Variants in NLRC3 observed in about 807,000 individuals in gnomAD.
The protein encoded by NLRC3 is NLR family CARD domain-containing protein 3.
Under a neutral mutation model 91.6 loss-of-function variants are expected in NLRC3, and 87 were observed. The observed-to-expected ratio is 0.95, with a 90% CI of 0.80 to 1.14. The LOEUF is 1.14. Ranked by LOEUF, NLRC3 falls within the 50% of genes most tolerant of loss-of-function variation. NLRC3 has a pLI of 0.00. For synonymous variants in NLRC3, 694 were observed against 625.3 expected (o/e 1.11, Z -1.64); for missense variants, 1,577 against 1,418.6 (o/e 1.11, Z -1.79).
In NLRC3 at chr16:3,541,693, C is replaced by G; in HGVS notation, c.*132G>C. 5 of 655,524 alleles carry G rather than the reference C, an allele frequency of 7.6e-6. No homozygotes were observed. Among genetic ancestry groups the G allele is most frequent in the Admixed American group, 7.4e-5 (3 of 40,756 alleles). The allele number at this position is 655,524 out of a possible 1,614,324, so 40.6% of individuals were successfully genotyped here. On this transcript the variant is annotated 3_prime_UTR_variant, in exon 20 of 20. Transcript: ENST00000359128. Reference sequence around the variant, plus strand: ...TCCTCCGGCAGCACCTCTCCTTCCTCCCTGCAGAGCCCGGCTCTCGTGCTG... The same window carrying G: ...TCCTCCGGCAGCACCTCTCCTTCCTGCCTGCAGAGCCCGGCTCTCGTGCTG...
rs564602669 is a variant in NLRC3, at chr16:3,552,242, G to A, written c.2305C>T (p.Arg769Trp). Residue 769 changes from arginine (R) to tryptophan (W), a missense_variant, in exon 10 of 20, where the codon CGG (arginine) becomes TGG (tryptophan). By Grantham distance (101) the Arg-to-Trp change is moderately radical. Coordinates refer to ENST00000359128, the MANE Select transcript of NLRC3 (RefSeq NM_178844.4). ...KNSIGPMGAQ[R>W]MADALKQNRS... The stretch of plus-strand genomic sequence containing the variant: ...TTCTGCTTCAAGGCATCTGCCATCC[G>A]CTGGGCTCCCATGGGCCCGATGCTG... 1.7e-5 allele frequency: 27 copies of A among 1,613,386 alleles called. No homozygotes were observed. The highest frequency in any genetic ancestry group is 7.7e-5 in the South Asian group (7 of 91,070).
rs777967629 is a variant in NLRC3, at chr16:3,550,459, G to A, written c.2390C>T (p.Ala797Val). Residue 797 changes from alanine to valine, a missense_variant, in exon 11 of 20, where the codon GCC (alanine) becomes GTC (valine). Ala to Val is a moderately conservative substitution (Grantham distance 64, BLOSUM62 0). Coordinates refer to ENST00000359128, the MANE Select transcript of NLRC3 (RefSeq NM_178844.4). ...GTTCACCTTCAGGGCCTCAGCCAGG[G>A]CCTTGGCACCTCCATCACCAATACT... ...SNSIGDGGAK[A>V]LAEALKVNQG... 1 of 1,613,566 alleles carries A rather than the reference G, an allele frequency of 6.2e-7. No homozygotes were observed.
In NLRC3 at chr16:3,564,444, C is replaced by T. The variant is rs200877791; in HGVS notation, c.493G>A (p.Gly165Arg). ...VRHFVRLWAH[G>R]QVGKDFSLVL... ...AGCGAGAAGTCCTTGCCGACCTGCC[C>T]ATGGGCCCAGAGGCGGACGAAGTGC... The change falls in exon 5 of 20, where the codon GGG becomes AGG. Residue 165 changes from glycine to arginine, a missense_variant. Transcript: ENST00000359128. This position sits in a 1 kb window ranked among gnomAD's most constrained non-coding sequence, Gnocchi z 5.9. The T allele has an allele frequency of 3.4e-4, 553 of 1,612,834 alleles. 1 individual carries two copies. Among genetic ancestry groups the T allele is most frequent in the Non-Finnish European group, 4.5e-4 (535 of 1,179,888 alleles).
rs1341996481 is a variant in NLRC3, at chr16:3,540,891, A to G, written c.*934T>C. The G allele has an allele frequency of 6.6e-6, 1 of 152,084 alleles. No homozygotes were observed. The highest frequency in any genetic ancestry group is 2.4e-5 in the African/African-American group (1 of 41,388). The allele number at this position is 152,084 out of a possible 1,614,324, so 9.4% of individuals were successfully genotyped here. A position where few individuals can be genotyped will look rare whatever the true frequency, so the allele number is the denominator to read the frequency against. On this transcript the variant is annotated 3_prime_UTR_variant, in exon 20 of 20. Coordinates refer to ENST00000359128, the MANE Select transcript of NLRC3 (RefSeq NM_178844.4). Reference sequence around the variant, plus strand: ...AGACAACATGTGCCAGGCATCACCCATGTCTTTGATTTTGTAATAAATAAA... The same window carrying G: ...AGACAACATGTGCCAGGCATCACCCGTGTCTTTGATTTTGTAATAAATAAA...
At chr16:3,573,872 G>C (rs1416139379) in intron 1 of NLRC3, among the ~76,000 whole-genome samples, 1 of 152,098 alleles carries the variant, frequency 6.6e-6, no homozygotes, top group Non-Finnish European at 1.5e-5. Flanking sequence ...AGGCTGGAGT[G>C]CAGTGGTACG....
intron 12 of NLRC3, 108 bp from the exon 13 acceptor site, chr16:3,549,333 G>T: frequency 1.2e-6 from 1 of 815,192 alleles, no homozygotes; most frequent in Non-Finnish European, 2.0e-6. Context: ...GCAGGCGGGG[G>T]ACCTAGAGTT....
chr16:3,549,287 G>A (rs1254335482), intron 12 of NLRC3, 62 bp from the exon 13 acceptor site: 1 of 1,257,010 alleles, frequency 8.0e-7, no homozygotes, highest in Non-Finnish European at 1.1e-6. Context: ...GCAAAGCCAA[G>A]CCCAGGTGTT....
chr16:3,543,843 CCTTGA>C (rs1225203550), intron 16 of NLRC3: 2 of 369,428 alleles, frequency 5.4e-6, no homozygotes, highest in Non-Finnish European at 1.0e-5. Flanking sequence ...AACACACCTT[CCTTGA>C]CTTGTAAACA....
intron 1 of NLRC3, among the ~76,000 whole-genome samples, chr16:3,569,385 TA>T (rs2040006254): frequency 9.1e-6 from 1 of 110,256 alleles, no homozygotes; most frequent in East Asian, 2.4e-4. Context: ...TATATATATA[TA>T]TATATATATT....
chr16:3,572,986 T>C (rs1232567398), intron 1 of NLRC3, among the ~76,000 whole-genome samples: 1 of 127,282 alleles, frequency 7.9e-6, no homozygotes, highest in Non-Finnish European at 1.6e-5. Flanking sequence ...CACTCTAGCC[T>C]GGGCGATAGA....
At chr16:3,557,209 C>A (rs1036125830) in intron 7 of NLRC3, among the ~76,000 whole-genome samples, 3 of 152,152 alleles carry the variant, frequency 2.0e-5, no homozygotes, top group Admixed American at 2.0e-4. Flanking sequence ...GAAAGCAGCA[C>A]CTGATGGACT....
intron 1 of NLRC3, among the ~76,000 whole-genome samples, chr16:3,575,374 C>T (rs1480152621): frequency 1.3e-5 from 2 of 152,216 alleles, no homozygotes; most frequent in South Asian, 2.1e-4. Flanking sequence ...CGCGAGGCCG[C>T]AGACGCCACT....
rs1182840204 is a variant in NLRC3 at position 3,564,386 on chromosome 16, G to A, written c.551C>T (p.Thr184Ile). ...TCGGTCGGCACACAGCTTCTCGTGG[G>A]TGTTGAGATCCCGGAAGGTCAGAGG... ...VLPLTFRDLNTHEKLCADRLI... is the reference protein window; with the variant it reads ...VLPLTFRDLNIHEKLCADRLI... The change falls in exon 5 of 20, where the codon ACC (threonine) becomes ATC (isoleucine). Residue 184 changes from threonine (T) to isoleucine (I), a missense_variant. Physicochemically the swap from Thr to Ile is moderately conservative, Grantham distance 89 (BLOSUM62 -1). Transcript: ENST00000359128. The surrounding 1 kb of genome is among the most constrained non-coding windows in gnomAD (Gnocchi z 5.9). The A allele has an allele frequency of 6.2e-7, 1 of 1,612,590 alleles. No homozygotes were observed. Among genetic ancestry groups the A allele is most frequent in the Admixed American group, 1.7e-5 (1 of 60,036 alleles).
intron 8 of NLRC3, among the ~76,000 whole-genome samples, chr16:3,555,601 G>A (rs1051569662): frequency 1.3e-5 from 2 of 151,908 alleles, no homozygotes; most frequent in Non-Finnish European, 2.9e-5. Flanking sequence ...ACAGAGTCTC[G>A]CTCTGTCGCC....
chr16:3,557,725 A>C, intron 6 of NLRC3, 49 bp from the exon 7 acceptor site: 177 of 1,171,856 alleles, frequency 1.5e-4, no homozygotes, highest in Non-Finnish European at 2.0e-4. Flanking sequence ...TGCACATCTC[A>C]TGGCCTCTTC....
At position 3,564,980 on chromosome 16, in the gene NLRC3, GCCCGTA is replaced by G. The variant is rs1004980408; in HGVS notation, c.51_56del (p.Thr18_Gly19del). 1.2e-6 allele frequency: 2 copies of G among 1,610,540 alleles called. No homozygotes were observed. Among genetic ancestry groups the G allele is most frequent in the Non-Finnish European group, 1.7e-6 (2 of 1,179,744 alleles). ...GGGCTTTCACCTGCTCGGCTGGGGAGCCCGTACCGTGGCCCTGGCCGGCCTCCCTGC... is the reference window on the plus strand; with the variant it reads ...GGGCTTTCACCTGCTCGGCTGGGGAGCCGTGGCCCTGGCCGGCCTCCCTGC... On this transcript the variant is annotated inframe_deletion, in exon 4 of 20. Coordinates refer to ENST00000359128, the MANE Select transcript of NLRC3 (RefSeq NM_178844.4). This position sits in a 1 kb window ranked among gnomAD's most constrained non-coding sequence, Gnocchi z 5.9.
intron 6 of NLRC3, among the ~76,000 whole-genome samples, chr16:3,561,011 G>A (rs991307209): frequency 1.4e-4 from 21 of 151,640 alleles, no homozygotes; most frequent in African/African-American, 5.1e-4. Context: ...AATTAAATTT[G>A]AAATTAAATT....
In NLRC3 at chr16:3,548,189, G is replaced by T; in HGVS notation, c.2717C>A (p.Ala906Asp). Residue 906 changes from alanine (A) to aspartate (D), a missense_variant, in exon 15 of 20, where the codon GCT becomes GAT. Physicochemically the swap from Ala to Asp is moderately radical, Grantham distance 126 (BLOSUM62 -2). Coordinates refer to ENST00000359128, the MANE Select transcript of NLRC3 (RefSeq NM_178844.4). ...HLQWNFIQAGAAQALGQALQL... is the reference protein window; with the variant it reads ...HLQWNFIQAGDAQALGQALQL... ...TAGTGCTTGTCCCAGGGCCTGGGCA[G>T]CGCCGGCCTGGATGAAGTTCCACTG... 1 of 1,595,442 alleles carries T rather than the reference G, an allele frequency of 6.3e-7. No homozygotes were observed. Among genetic ancestry groups the T allele is most frequent in the South Asian group, 1.1e-5 (1 of 87,712 alleles).
At position 3,540,263 on chromosome 16, in the gene NLRC3, C is replaced by A. The variant is rs71388521; in HGVS notation, c.*1562G>T. The A allele has an allele frequency of 6.6e-6, 1 of 152,198 alleles. No individual in the cohort carries two copies. Among genetic ancestry groups the A allele is most frequent in the Non-Finnish European group, 1.5e-5 (1 of 68,034 alleles). 9.4% of individuals were successfully genotyped at this position (152,198 alleles called of 1,614,324 possible). A position where few individuals can be genotyped will look rare whatever the true frequency, so the allele number is the denominator to read the frequency against. ...CTCAGCATCCATGATGGTTCCTGTC[C>A]GGATGCTCACTTTTGAAGAAACATT... is the stretch of plus-strand genomic sequence containing the variant. On this transcript the variant is annotated 3_prime_UTR_variant, in exon 20 of 20. Transcript: ENST00000359128.
Sources: allele counts gnomAD v4.1 joint callset (sites outside exome capture counted in the v4.1 genomes callset), GRCh38; gene constraint gnomAD v4.1.1; non-coding constraint Gnocchi (gnomAD v3.1); transcripts MANE v1.5; gene names NCBI Gene and HGNC (gene_info 2026-07-23, HGNC 2026-07-21).